Variants in CTTN observed in about 807,000 individuals in gnomAD.
CTTN encodes src substrate cortactin.
Under a neutral mutation model 84.0 loss-of-function variants are expected in CTTN, and 28 were observed. That is an observed-to-expected ratio of 0.33 (90% confidence interval 0.25 to 0.46). CTTN has a LOEUF of 0.46. Ranked by LOEUF, CTTN falls within the 20% of genes least tolerant of loss-of-function variation. The probability of loss-of-function intolerance (pLI) is 1.00; values close to 1 mark genes in which losing one functional copy is unlikely to be tolerated. For missense variants in CTTN, 641 were observed against 723.8 expected, an observed-to-expected ratio of 0.89 and a Z score of 1.31; for synonymous variants, 301 against 288.8, an observed-to-expected ratio of 1.04 and a Z score of -0.43.
At chr11:70,402,304 G>A (rs1477591526) in intron 1 of CTTN, among the ~76,000 whole-genome samples, 4 of 152,188 alleles carry the variant, frequency 2.6e-5, no homozygotes, top group African/African-American at 7.2e-5. Context: ...CTTTTGAACC[G>A]TATTGTAACA....
At chr11:70,412,258 C>G (rs1023410264) in intron 5 of CTTN, among the ~76,000 whole-genome samples, 2 of 152,128 alleles carry the variant, frequency 1.3e-5, no homozygotes, top group Non-Finnish European at 2.9e-5. Flanking sequence ...AAGACCCTAT[C>G]TCTACAAAAA....
At chr11:70,423,016 G>T in intron 12 of CTTN, 21 bp downstream of exon 12, 1 of 1,613,858 alleles carries the variant, frequency 6.2e-7, no homozygotes, top group Non-Finnish European at 8.5e-7. Context: ...CAGCCCCGGA[G>T]CTTAGTGTCT....
chr11:70,410,898 G>A (rs1404159669), intron 5 of CTTN, among the ~76,000 whole-genome samples: 2 of 152,166 alleles, frequency 1.3e-5, no homozygotes, highest in African/African-American at 4.8e-5. Context: ...ATGTTGCCGT[G>A]TCACAGTGAG....
chr11:70,421,435 G>T lies in CTTN; in HGVS notation c.791-35G>T, dbSNP rs200436922. 1.1e-3 allele frequency: 1,605 copies of T among 1,431,618 alleles called. 3 individuals are homozygous for T. Among genetic ancestry groups the T allele is most frequent in the Middle Eastern group, 2.1e-3 (12 of 5,720 alleles). 88.7% of individuals were successfully genotyped at this position (1,431,618 alleles called of 1,614,324 possible). A position where few individuals can be genotyped will look rare whatever the true frequency, so the allele number is the denominator to read the frequency against. On this transcript the variant is annotated intron_variant, in intron 10 of 17. Coordinates refer to ENST00000301843, the MANE Select transcript of CTTN (RefSeq NM_005231.4). Reference sequence around the variant, plus strand: ...CTAACCCAACTGTGTTTCCTCTTTTGGTTGTTTTCCCCACCGTTGCTTGTG... The same window carrying T: ...CTAACCCAACTGTGTTTCCTCTTTTTGTTGTTTTCCCCACCGTTGCTTGTG...
intron 16 of CTTN, 86 bp from the exon 17 acceptor site, chr11:70,433,561 C>G: frequency 1.8e-6 from 2 of 1,090,496 alleles, no homozygotes; most frequent in African/African-American, 3.1e-5. Flanking sequence ...GAGACAAAAT[C>G]TTAGGAAGTG....
chr11:70,433,791 T>C (rs2058383056), intron 17 of CTTN, 73 bp downstream of exon 17: 2 of 937,180 alleles, frequency 2.1e-6, no homozygotes, highest in East Asian at 2.4e-5. Context: ...TTTCTGAGAA[T>C]TCACTTCTCT....
intron 14 of CTTN, among the ~76,000 whole-genome samples, chr11:70,430,301 C>T (rs924629812): frequency 6.6e-6 from 1 of 152,222 alleles, no homozygotes; most frequent in Non-Finnish European, 1.5e-5. Flanking sequence ...GGCACTGGAG[C>T]CCACAGGCTG....
At chr11:70,411,258 CAT>C (rs1186389837) in intron 5 of CTTN, among the ~76,000 whole-genome samples, 18 of 126,200 alleles carry the variant, frequency 1.4e-4, no homozygotes, top group Admixed American at 1.6e-4. Context: ...AGACGGAATC[CAT>C]GTGTTCAGTG....
chr11:70,401,877 G>C lies in CTTN; in HGVS notation c.-98+3263G>C, dbSNP rs561585690. On this transcript the variant is annotated intron_variant, in intron 1 of 17. Coordinates refer to ENST00000301843, the MANE Select transcript of CTTN (RefSeq NM_005231.4). ...AAAGGCTGGTGGGGGGCTTTTAGGCGCGGTGGTTCGTGCCTGTAATCCCAG... is the reference window on the plus strand; with the variant it reads ...AAAGGCTGGTGGGGGGCTTTTAGGCCCGGTGGTTCGTGCCTGTAATCCCAG... Among the ~76,000 whole-genome samples the C allele has an allele frequency of 2.0e-5, 3 of 151,948 alleles. No individual in the cohort carries two copies. The East Asian group carries it at 5.8e-4, about 29-fold the overall frequency.
intron 6 of CTTN, among the ~76,000 whole-genome samples, chr11:70,414,999 G>A (rs1388305587): frequency 6.6e-6 from 1 of 152,196 alleles, no homozygotes; most frequent in Non-Finnish European, 1.5e-5. Context: ...TATACCGGGG[G>A]GGCAGGATGC....
At position 70,435,761 on chromosome 11, in the gene CTTN, A is replaced by C; in HGVS notation, c.*599A>C. On this transcript the variant is annotated 3_prime_UTR_variant, in exon 18 of 18. Coordinates refer to ENST00000301843, the MANE Select transcript of CTTN (RefSeq NM_005231.4). Reference sequence around the variant, plus strand: ...CAGGATCAGGTGACTTCTAGCAGAGACCCTGGTTTTTTTCCTGTGCCCACT... The same window carrying C: ...CAGGATCAGGTGACTTCTAGCAGAGCCCCTGGTTTTTTTCCTGTGCCCACT... 1 of 1,595,994 alleles carries C rather than the reference A, an allele frequency of 6.3e-7. No homozygotes were observed. The highest frequency in any genetic ancestry group is 8.5e-7 in the Non-Finnish European group (1 of 1,179,104).
rs200493275 is a variant in CTTN at position 70,417,023 on chromosome 11, T to C, written c.468T>C (p.Ser156=). ...GCCCTGTCTCTCCAGACTACTCCAG[T>C]GGTTTTGGCGGCAAGTATGGCGTGC... ...EKHASQKDYS[S]GFGGKYGVQA... Residue 156 remains serine (S), a synonymous_variant, in exon 8 of 18, where the codon AGT becomes AGC. Coordinates refer to ENST00000301843, the MANE Select transcript of CTTN (RefSeq NM_005231.4). 1.5e-5 allele frequency: 25 copies of C among 1,614,052 alleles called. No homozygotes were observed. The East Asian group carries it at 5.1e-4, about 33-fold the overall frequency.
In CTTN at chr11:70,420,835, G is replaced by A. The variant is rs375633215; in HGVS notation, c.790+325G>A. ...CTGCAGCGGGGGGCTGGGTTTACCCGGGAGTGGGGGCATGTGTCAGGCCTG... is the reference window on the plus strand; with the variant it reads ...CTGCAGCGGGGGGCTGGGTTTACCCAGGAGTGGGGGCATGTGTCAGGCCTG... On this transcript the variant is annotated intron_variant, in intron 10 of 17. Coordinates refer to ENST00000301843, the MANE Select transcript of CTTN (RefSeq NM_005231.4). Among the ~76,000 whole-genome samples the A allele has an allele frequency of 3.3e-3, 494 of 151,674 alleles. 7 individuals carry two copies. Among genetic ancestry groups the A allele is most frequent in the African/African-American group, 0.011 (457 of 41,310 alleles).
intron 15 of CTTN, among the ~76,000 whole-genome samples, chr11:70,432,419 G>A (rs1325284413): frequency 2.0e-5 from 3 of 152,218 alleles, no homozygotes; most frequent in East Asian, 1.9e-4. Flanking sequence ...TCCTGGGTGC[G>A]CGGTTCTGAG....
In CTTN at chr11:70,436,199, A is replaced by T. The variant is rs1462689533; in HGVS notation, c.*1037A>T. 6.4e-6 allele frequency: 10 copies of T among 1,550,870 alleles called. No homozygotes were observed. The highest frequency in any genetic ancestry group is 2.7e-5 in the African/African-American group (2 of 73,364). On this transcript the variant is annotated 3_prime_UTR_variant, in exon 18 of 18. Coordinates refer to ENST00000301843, the MANE Select transcript of CTTN (RefSeq NM_005231.4). ...GTTGAAGGCTAGAAGTGTGAAGTGC[A>T]GATGAGTGTGTGTTCTTCCCCAAGG...
Position 70,398,633 on chromosome 11 carries a change from C to A in CTTN, c.-98+19C>A, listed in dbSNP as rs1565483912. 6.6e-6 allele frequency: 1 copy of A among 152,340 alleles called. No homozygotes were observed. Among genetic ancestry groups the A allele is most frequent in the African/African-American group, 2.4e-5 (1 of 41,576 alleles). The allele number at this position is 152,340 out of a possible 1,614,324, so 9.4% of individuals were successfully genotyped here. On this transcript the variant is annotated intron_variant, in intron 1 of 17. Transcript: ENST00000301843. ...GGCGGCGGTGAGCGAGCGCGGCGTC[C>A]GCCCGGGGTGCAGGCCGGGCTCTGC...
intron 13 of CTTN, 62 bp from the exon 14 acceptor site, chr11:70,428,989 G>A: frequency 3.8e-6 from 6 of 1,593,810 alleles, no homozygotes; most frequent in Non-Finnish European, 5.2e-6. Context: ...GGGTGGGGCT[G>A]TTGTCCAGGA....
chr11:70,419,879 C>T (rs770726561), intron 9 of CTTN, 23 bp downstream of exon 9: 51 of 1,573,062 alleles, frequency 3.2e-5, no homozygotes, highest in Non-Finnish European at 4.3e-5. Flanking sequence ...TTATCTTACC[C>T]TCCAGCCAGC....
At chr11:70,416,377 G>C (rs1375922064) in intron 7 of CTTN, among the ~76,000 whole-genome samples, 1 of 151,950 alleles carries the variant, frequency 6.6e-6, no homozygotes, top group Non-Finnish European at 1.5e-5. Context: ...CCCATGTTCA[G>C]CTGCATGGCT....
Sources: allele counts gnomAD v4.1 joint callset (sites outside exome capture counted in the v4.1 genomes callset), GRCh38; gene constraint gnomAD v4.1.1; transcripts MANE v1.5; gene names NCBI Gene and HGNC (gene_info 2026-07-23, HGNC 2026-07-21).